Variants in DNAJC7 observed in about 807,000 individuals in gnomAD.
DNAJC7 encodes the protein DnaJ heat shock protein family (Hsp40) member C7.
A neutral mutation model predicts 67.4 loss-of-function variants in DNAJC7; 18 were observed. The ratio of observed to expected loss-of-function variants is 0.27; its 90% CI spans 0.18 to 0.40. The LOEUF is 0.40. Ranked by LOEUF, DNAJC7 falls within the 10% of genes least tolerant of loss-of-function variation. The pLI is 1.00. For missense variants in DNAJC7, 419 were observed against 613.8 expected, an observed-to-expected ratio of 0.68 and a Z score of 3.35; for synonymous variants, 220 against 207.8, an observed-to-expected ratio of 1.06 and a Z score of -0.50.
At chr17:42,002,258 A>G (rs970309777) in intron 1 of DNAJC7, among the ~76,000 whole-genome samples, 1 of 152,226 alleles carries the variant, frequency 6.6e-6, no homozygotes, top group Non-Finnish European at 1.5e-5. Context: ...ATTAGGCCCA[A>G]ACTCCATCAG....
At chr17:42,013,110 A>C (rs190919812) in intron 1 of DNAJC7, 3 of 152,116 alleles carry the variant, frequency 2.0e-5, no homozygotes, top group African/African-American at 7.2e-5. Flanking sequence ...CCCAGCCTTA[A>C]ATGTTTTTAT....
chr17:42,005,764 G>A (rs943765941), intron 1 of DNAJC7, among the ~76,000 whole-genome samples: 3 of 151,628 alleles, frequency 2.0e-5, no homozygotes, highest in Non-Finnish European at 2.9e-5. Context: ...TTTTTGAGAC[G>A]AAGTCTGGCT....
At chr17:42,008,407 TAG>T (rs2052028660) in intron 1 of DNAJC7, among the ~76,000 whole-genome samples, 1 of 69,010 alleles carries the variant, frequency 1.4e-5, no homozygotes, top group Non-Finnish European at 2.6e-5. Context: ...TATATATATA[TAG>T]ATATAGATTT....
chr17:41,994,829 C>T lies in DNAJC7; in HGVS notation c.480+41G>A, dbSNP rs78128333. 9,123 of 1,579,886 alleles carry T rather than the reference C, an allele frequency of 5.8e-3. 42 individuals carry two copies. The highest frequency in any genetic ancestry group is 0.011 in the Middle Eastern group (64 of 6,010). On this transcript the variant is annotated intron_variant, in intron 5 of 13. Transcript: ENST00000457167. Reference sequence around the variant, plus strand: ...CACACACACACGAATGGGAATTTTGCGACAAAGAGCAGATGAGATTATCTC... The same window carrying T: ...CACACACACACGAATGGGAATTTTGTGACAAAGAGCAGATGAGATTATCTC...
rs782803095 is a variant in DNAJC7, at chr17:41,987,852, G to T, written c.977C>A (p.Thr326Asn). The change falls in exon 9 of 14, where the codon ACT becomes AAT. Residue 326 changes from threonine to asparagine, a missense_variant. By Grantham distance (65) the Thr-to-Asn change is moderately conservative. Transcript: ENST00000457167. ...TCTTCTCAAGTAGGCTTTTATGTAA[G>T]TGTCATCAAGCTTCACTGCATTTGT... ...DCTNAVKLDD[T>N]YIKAYLRRAQ... 1.2e-6 allele frequency: 2 copies of T among 1,611,672 alleles called. No homozygotes were observed. Among genetic ancestry groups the T allele is most frequent in the Non-Finnish European group, 1.7e-6 (2 of 1,179,122 alleles).
At chr17:41,987,268 A>G (rs1416100123) in intron 9 of DNAJC7, among the ~76,000 whole-genome samples, 3 of 152,122 alleles carry the variant, frequency 2.0e-5, no homozygotes, top group Non-Finnish European at 4.4e-5. Flanking sequence ...ACTCAAGCAG[A>G]GAGTAGCCAT....
intron 12 of DNAJC7, among the ~76,000 whole-genome samples, chr17:41,979,166 C>T (rs1306912535): frequency 6.6e-6 from 1 of 151,202 alleles, no homozygotes; most frequent in Non-Finnish European, 1.5e-5. Flanking sequence ...TGGTGAAACC[C>T]CGTCTCTACT....
chr17:41,983,732 C>T (rs1404970484), intron 9 of DNAJC7, 96 bp from the exon 10 acceptor site: 1 of 1,051,412 alleles, frequency 9.5e-7, no homozygotes, highest in Non-Finnish European at 1.4e-6. Flanking sequence ...AAGCAAGAGA[C>T]ACACACTTCT....
rs532134647 is a variant in DNAJC7, at chr17:42,010,416, C to T, written c.77+6924G>A. On this transcript the variant is annotated intron_variant, in intron 1 of 13. Coordinates refer to ENST00000457167, the MANE Select transcript of DNAJC7 (RefSeq NM_003315.4). ...CTGACTCAGGAGAATTGCTTGAACC[C>T]GGGAGGCGGAGGCTGCAGTGAGCCA... 1.7e-3 allele frequency among the ~76,000 whole-genome samples: 266 copies of T among 152,128 alleles called. 1 individual carries two copies. The highest frequency in any genetic ancestry group is 6.0e-3 in the African/African-American group (249 of 41,530).
In DNAJC7 at chr17:41,989,561, C is replaced by G; in HGVS notation, c.600-4G>C. 1 of 1,613,668 alleles carries G rather than the reference C, an allele frequency of 6.2e-7. No individual in the cohort carries two copies. Among genetic ancestry groups the G allele is most frequent in the Non-Finnish European group, 8.5e-7 (1 of 1,179,760 alleles). ...GGAATCCATTCGTAGAATGTCACTG[C>G]AATAGTCAGAAAAGGGCACATTGAG... On this transcript the variant is annotated splice_polypyrimidine_tract_variant and splice_region_variant and intron_variant, in intron 6 of 13. Transcript: ENST00000457167.
chr17:42,006,383 A>G (rs1555650254), intron 1 of DNAJC7, among the ~76,000 whole-genome samples: 2 of 151,698 alleles, frequency 1.3e-5, no homozygotes, highest in African/African-American at 4.8e-5. Context: ...TTGGGAAATT[A>G]TAGGCTCACG....
At chr17:41,999,738 C>G (rs1555649165) in intron 2 of DNAJC7, among the ~76,000 whole-genome samples, 1 of 152,094 alleles carries the variant, frequency 6.6e-6, no homozygotes, top group Non-Finnish European at 1.5e-5. Context: ...AGGCCGGTCT[C>G]AAACTCCTGA....
chr17:42,015,905 G>A (rs1422840843), intron 1 of DNAJC7: 6 of 152,152 alleles, frequency 3.9e-5, no homozygotes, highest in African/African-American at 1.4e-4. Context: ...ACAGTATAAA[G>A]AACCACTGAA....
intron 10 of DNAJC7, among the ~76,000 whole-genome samples, chr17:41,982,611 T>C (rs1567955063): frequency 6.6e-6 from 1 of 152,020 alleles, no homozygotes; most frequent in East Asian, 1.9e-4. Flanking sequence ...CCTGCATCAA[T>C]GAGAGATGCA....
intron 9 of DNAJC7, 99 bp downstream of exon 9, chr17:41,987,720 G>C: frequency 1.0e-6 from 1 of 999,058 alleles, no homozygotes; most frequent in South Asian, 1.5e-5. Flanking sequence ...AGGACCAAAT[G>C]ACCTCACAAC....
chr17:41,995,187 C>T (rs2051623336), intron 4 of DNAJC7, among the ~76,000 whole-genome samples: 1 of 152,076 alleles, frequency 6.6e-6, no homozygotes, highest in Non-Finnish European at 1.5e-5. Context: ...TGGTACTCGA[C>T]CTCTCATAGA....
chr17:41,992,266 G>A (rs773137167), intron 5 of DNAJC7, among the ~76,000 whole-genome samples: 12 of 152,018 alleles, frequency 7.9e-5, no homozygotes, highest in Admixed American at 1.3e-4. Flanking sequence ...TCTGCCTCCC[G>A]GGTTCAAGCA....
chr17:41,980,030 C>T (rs1375507582), intron 12 of DNAJC7, among the ~76,000 whole-genome samples: 2 of 151,086 alleles, frequency 1.3e-5, no homozygotes, highest in Admixed American at 1.3e-4. Flanking sequence ...TAGGTCTGTT[C>T]ACCATTCACA....
chr17:41,982,151 C>T, intron 11 of DNAJC7, 104 bp downstream of exon 11: 17 of 1,550,820 alleles, frequency 1.1e-5, no homozygotes, highest in Non-Finnish European at 1.5e-5. Flanking sequence ...ACACCTTATT[C>T]TCAGCTGAAG....
Sources: gnomAD v4.1 joint callset for allele counts (sites outside exome capture counted in the v4.1 genomes callset) on GRCh38, gnomAD v4.1.1 for gene constraint, MANE v1.5 for transcripts, NCBI Gene and HGNC (gene_info 2026-07-23, HGNC 2026-07-21) for gene names.